Variants in MMP20 observed in about 807,000 individuals in gnomAD.
MMP20 encodes matrix metallopeptidase 20.
MMP20 carries 50 observed loss-of-function variants against 51.8 expected under a neutral mutation model. The observed-to-expected ratio is 0.97, with a 90% CI of 0.77 to 1.22. MMP20 has a LOEUF of 1.22. Among genes scored for constraint, MMP20 ranks in the 50% most tolerant of loss-of-function variants. The pLI, the probability that MMP20 is intolerant of heterozygous loss-of-function variation, is 0.00. For missense variants in MMP20, 663 were observed against 601.4 expected, an observed-to-expected ratio of 1.10 and a Z score of -1.07; for synonymous variants, 244 against 216.2, an observed-to-expected ratio of 1.13 and a Z score of -1.13.
At chr11:102,582,463 A>T (rs1859208394) in intron 8 of MMP20, among the ~76,000 whole-genome samples, 1 of 152,202 alleles carries the variant, frequency 6.6e-6, no homozygotes, top group African/African-American at 2.4e-5. Context: ...ATGAAATAGA[A>T]ATCTGAAATT....
rs114431864 is a variant in MMP20 at position 102,620,057 on chromosome 11, A to G, written c.127-2998T>C. ...AGTAAAACACTTGTCTCATTGCACC[A>G]TAAACCATCACTTCCTACCAATTTC... is the stretch of plus-strand genomic sequence containing the variant. On this transcript the variant is annotated intron_variant, in intron 1 of 9. Transcript: ENST00000260228. Among the ~76,000 whole-genome samples, 1,018 of 152,252 alleles carry G rather than the reference A, an allele frequency of 6.7e-3. 16 individuals carry two copies. Among genetic ancestry groups the G allele is most frequent in the African/African-American group, 0.023 (969 of 41,552 alleles).
chr11:102,623,568 G>C lies in MMP20; in HGVS notation c.126+1626C>G, dbSNP rs77873868. ...TGAAAAACTGTCTTCTATGAAACTG[G>C]TGCTTGGCTGGTCTAGCCTTATTCC... On this transcript the variant is annotated intron_variant, in intron 1 of 9. Transcript: ENST00000260228. Among the ~76,000 whole-genome samples, 4 of 152,310 alleles carry C rather than the reference G, an allele frequency of 2.6e-5. No homozygotes were observed. In the East Asian group the frequency reaches 7.7e-4, roughly 29 times the overall value.
At position 102,577,252 on chromosome 11, in the gene MMP20, G is replaced by T; in HGVS notation, c.*74C>A. 2 of 973,892 alleles carry T rather than the reference G, an allele frequency of 2.1e-6. No individual in the cohort carries two copies. Among genetic ancestry groups the T allele is most frequent in the Non-Finnish European group, 3.3e-6 (2 of 598,624 alleles). 60.3% of individuals were successfully genotyped at this position (973,892 alleles called of 1,614,324 possible). ...TGGAAGAATCCCTCTCCTACATTCTGCTTTAGTCCTTAAGATCCAGTTAGA... is the reference window on the plus strand; with the variant it reads ...TGGAAGAATCCCTCTCCTACATTCTTCTTTAGTCCTTAAGATCCAGTTAGA... On this transcript the variant is annotated 3_prime_UTR_variant, in exon 10 of 10. Coordinates refer to ENST00000260228, the MANE Select transcript of MMP20 (RefSeq NM_004771.4).
chr11:102,593,733 A>C (rs952891164), intron 7 of MMP20, 138 bp from the exon 8 acceptor site: 2 of 947,968 alleles, frequency 2.1e-6, no homozygotes, highest in African/African-American at 1.6e-5. Flanking sequence ...CAAGAGATAT[A>C]AGCTTCTAAC....
At chr11:102,590,394 G>T (rs1213931252) in intron 8 of MMP20, among the ~76,000 whole-genome samples, 1 of 152,154 alleles carries the variant, frequency 6.6e-6, no homozygotes, top group Non-Finnish European at 1.5e-5. Flanking sequence ...TGACATTGTG[G>T]TCCTCTGTGC....
At chr11:102,624,356 G>T (rs562274320) in intron 1 of MMP20, among the ~76,000 whole-genome samples, 1 of 121,916 alleles carries the variant, frequency 8.2e-6, no homozygotes, top group East Asian at 2.3e-4. Flanking sequence ...ATTTCTTTAG[G>T]TTAAGGATGC....
intron 1 of MMP20, among the ~76,000 whole-genome samples, chr11:102,621,430 G>A (rs557246414): frequency 1.1e-4 from 16 of 152,178 alleles, no homozygotes; most frequent in African/African-American, 2.7e-4. Context: ...TCACTAACAC[G>A]CTTGGGCAAT....
chr11:102,596,160 A>T (rs918969704), intron 6 of MMP20, among the ~76,000 whole-genome samples: 2 of 152,202 alleles, frequency 1.3e-5, no homozygotes, highest in Admixed American at 1.3e-4. Context: ...TAAGTTCAGG[A>T]TACTTTGAGA....
chr11:102,594,651 C>A lies in MMP20; in HGVS notation c.1060G>T (p.Ala354Ser), dbSNP rs551369636. ...MSNVDAAYEV[A>S]ERGTAYFFKG... is the part of the protein sequence containing the mutation. Reference sequence around the variant, plus strand: ...AAGAAGTAAGCAGTGCCCCTCTCAGCCACTTCGTAAGCTGCATCCACATTG... The same window carrying A: ...AAGAAGTAAGCAGTGCCCCTCTCAGACACTTCGTAAGCTGCATCCACATTG... The change falls in exon 7 of 10, where the codon GCT (alanine) becomes TCT (serine). Residue 354 changes from alanine to serine, a missense_variant. Transcript: ENST00000260228. The A allele has an allele frequency of 1.2e-5, 19 of 1,613,676 alleles. No individual in the cohort carries two copies. The highest frequency in any genetic ancestry group is 1.6e-5 in the Non-Finnish European group (19 of 1,179,992).
At chr11:102,604,610 T>G (rs1859491070) in intron 6 of MMP20, among the ~76,000 whole-genome samples, 2 of 152,220 alleles carry the variant, frequency 1.3e-5, no homozygotes, top group South Asian at 2.1e-4. Flanking sequence ...TGTGAAAGCC[T>G]GGGTTCCTGG....
At chr11:102,584,420 A>T (rs1292612249) in intron 8 of MMP20, among the ~76,000 whole-genome samples, 1 of 152,110 alleles carries the variant, frequency 6.6e-6, no homozygotes, top group African/African-American at 2.4e-5. Context: ...GGCCATTTGT[A>T]TATCTTTGTT....
At chr11:102,605,510 C>T (rs1462000789) in intron 6 of MMP20, 1 of 151,862 alleles carries the variant, frequency 6.6e-6, no homozygotes, top group Non-Finnish European at 1.5e-5. Context: ...CATCACATTT[C>T]TCAAACGTCT....
intron 8 of MMP20, among the ~76,000 whole-genome samples, chr11:102,591,939 A>G (rs1268260301): frequency 6.6e-6 from 1 of 152,198 alleles, no homozygotes; most frequent in Non-Finnish European, 1.5e-5. Flanking sequence ...CAGGTGATAA[A>G]TGGGCAAGAG....
chr11:102,611,559 C>A, intron 3 of MMP20, among the ~76,000 whole-genome samples, 196 bp downstream of exon 3: 1 of 152,222 alleles, frequency 6.6e-6, no homozygotes, highest in East Asian at 1.9e-4. Flanking sequence ...CTGATGATGA[C>A]AAGACATGCT....
Position 102,609,978 on chromosome 11 carries a change from T to C in MMP20, c.576A>G (p.Ala192=), listed in dbSNP as rs772663056. The C allele has an allele frequency of 2.5e-6, 4 of 1,613,996 alleles. No individual in the cohort carries two copies. The highest frequency in any genetic ancestry group is 3.3e-5 in the Admixed American group (2 of 59,980). ...FDGPRGTLAH[A]FAPGEGLGGD... ...CTCCCAGGCCTTCTCCAGGAGCAAA[T>C]GCATGGGCTAGAGTCCCCCGAGGCC... The change falls in exon 4 of 10, where the codon GCA becomes GCG. Residue 192 remains alanine (A), a synonymous_variant. Transcript: ENST00000260228.
intron 8 of MMP20, among the ~76,000 whole-genome samples, chr11:102,582,619 C>A (rs569589567): frequency 5.0e-4 from 76 of 152,218 alleles, no homozygotes; most frequent in African/African-American, 1.5e-3. Context: ...CATGTACAAT[C>A]CCAGATGAGG....
intron 6 of MMP20, among the ~76,000 whole-genome samples, chr11:102,604,187 G>A (rs1859484426): frequency 6.6e-6 from 1 of 152,118 alleles, no homozygotes. Flanking sequence ...ATCACTGAAT[G>A]AGTGCTACAT....
At chr11:102,610,166 G>T in intron 3 of MMP20, 136 bp from the exon 4 acceptor site, 1 of 1,024,240 alleles carries the variant, frequency 9.8e-7, no homozygotes, top group Non-Finnish European at 1.5e-6. Flanking sequence ...TTGTTATAAT[G>T]GGAAGTTCAT....
intron 8 of MMP20, among the ~76,000 whole-genome samples, chr11:102,580,776 A>G (rs1489328719): frequency 2.0e-5 from 3 of 152,234 alleles, no homozygotes; most frequent in Non-Finnish European, 4.4e-5. Flanking sequence ...TTTCACACTC[A>G]TTTCACAAAG....
Sources: gnomAD v4.1 joint callset for allele counts (sites outside exome capture counted in the v4.1 genomes callset) on GRCh38, gnomAD v4.1.1 for gene constraint, MANE v1.5 for transcripts, NCBI Gene and HGNC (gene_info 2026-07-23, HGNC 2026-07-21) for gene names.